Variants in ACBD3 observed in about 807,000 individuals in gnomAD.
ACBD3 encodes the protein acyl-CoA binding domain containing 3, also known as Golgi resident protein GCP60.
In ACBD3, 30 loss-of-function variants were observed where a neutral mutation model predicts 66.9. The ratio of observed to expected loss-of-function variants is 0.45; its 90% CI spans 0.34 to 0.61. ACBD3 has a LOEUF of 0.61. ACBD3 is among the 20% of genes least tolerant of loss of function. ACBD3 has a pLI of 0.02. For missense variants in ACBD3, 544 were observed against 664.5 expected, an observed-to-expected ratio of 0.82 and a Z score of 1.99; for synonymous variants, 278 against 259.8, an observed-to-expected ratio of 1.07 and a Z score of -0.68.
In ACBD3 at chr1:226,145,072, G is replaced by A. The variant is rs1007179963; in HGVS notation, c.*1538C>T. ...AAAGCTGACAGAGAGCCTGACAAAT[G>A]TTCTGGATGTAACAGTATGAACACC... On this transcript the variant is annotated 3_prime_UTR_variant, in exon 8 of 8. Transcript: ENST00000366812. The A allele has an allele frequency of 2.0e-5, 3 of 152,362 alleles. No homozygotes were observed. Among genetic ancestry groups the A allele is most frequent in the African/African-American group, 4.8e-5 (2 of 41,368 alleles). 9.4% of individuals were successfully genotyped at this position (152,362 alleles called of 1,614,324 possible).
At chr1:226,150,825 C>T (rs1659558882) in intron 7 of ACBD3, among the ~76,000 whole-genome samples, 1 of 152,126 alleles carries the variant, frequency 6.6e-6, no homozygotes, top group Admixed American at 6.5e-5. Context: ...CCATATTTAC[C>T]AGCTAGAATC....
intron 7 of ACBD3, chr1:226,147,857 A>G (rs1433713047): frequency 3.3e-5 from 5 of 152,242 alleles, no homozygotes; most frequent in African/African-American, 1.2e-4. Flanking sequence ...ACAGTTTAAC[A>G]TATTTAATAC....
In ACBD3 at chr1:226,186,554, G is replaced by A. The variant is rs933381595; in HGVS notation, c.122C>T (p.Pro41Leu). The A allele has an allele frequency of 2.9e-6, 4 of 1,359,842 alleles. No homozygotes were observed. Among genetic ancestry groups the A allele is most frequent in the Non-Finnish European group, 3.8e-6 (4 of 1,061,546 alleles). 84.2% of individuals were successfully genotyped at this position (1,359,842 alleles called of 1,614,324 possible). ...GCGACCGGATCCAGGTGGCGAGGGC[G>A]GTGGCAGCGGTGGCGGCAGCAGCGG... ...GAPLLPPPLP[P>L]PSPPGSGRGP... The change falls in exon 1 of 8, where the codon CCG (proline) becomes CTG (leucine). Residue 41 changes from proline (P) to leucine (L), a missense_variant. This residue lies in a region of ACBD3 where 137 missense variants were observed against 145.9 expected (regional missense o/e 0.94). Coordinates refer to ENST00000366812, the MANE Select transcript of ACBD3 (RefSeq NM_022735.4).
intron 5 of ACBD3, among the ~76,000 whole-genome samples, chr1:226,157,009 A>G (rs1388451319): frequency 1.3e-5 from 2 of 152,196 alleles, no homozygotes; most frequent in East Asian, 3.8e-4. Flanking sequence ...TCTTCCTGTT[A>G]TTAGGAAGTT....
chr1:226,176,318 G>C (rs1456359241), intron 1 of ACBD3, among the ~76,000 whole-genome samples: 1 of 151,968 alleles, frequency 6.6e-6, no homozygotes, highest in African/African-American at 2.4e-5. Flanking sequence ...CCAGCTATTC[G>C]GGGGGCTGAG....
chr1:226,180,998 CAA>C (rs540018230), intron 1 of ACBD3, among the ~76,000 whole-genome samples: 52 of 84,278 alleles, frequency 6.2e-4, no homozygotes, highest in Non-Finnish European at 1.0e-3. Flanking sequence ...GACTCCATCT[CAA>C]AAAAAAAAAA....
At chr1:226,186,353 G>T (rs761847358) in intron 1 of ACBD3, 37 bp downstream of exon 1, 15 of 1,476,786 alleles carry the variant, frequency 1.0e-5, no homozygotes, top group Admixed American at 4.8e-5. Context: ...TCCCGGGGCC[G>T]GGCAGAAGCG....
intron 1 of ACBD3, among the ~76,000 whole-genome samples, chr1:226,173,699 C>G (rs1043997693): frequency 1.3e-5 from 2 of 151,658 alleles, no homozygotes; most frequent in Middle Eastern, 3.4e-3. Context: ...GTTGACACAT[C>G]ACAAGAGTTT....
At chr1:226,184,632 T>C (rs1364134304) in intron 1 of ACBD3, among the ~76,000 whole-genome samples, 1 of 152,182 alleles carries the variant, frequency 6.6e-6, no homozygotes, top group Non-Finnish European at 1.5e-5. Flanking sequence ...GTTTACAAGG[T>C]AACTAGAATC....
intron 1 of ACBD3, among the ~76,000 whole-genome samples, chr1:226,179,049 G>A (rs1656115741): frequency 6.6e-6 from 1 of 152,072 alleles, no homozygotes; most frequent in Admixed American, 6.6e-5. Flanking sequence ...TATTCTCTTG[G>A]CTACACATTC....
chr1:226,172,251 T>C (rs1030794973), intron 1 of ACBD3, among the ~76,000 whole-genome samples: 1 of 151,766 alleles, frequency 6.6e-6, no homozygotes, highest in African/African-American at 2.4e-5. Flanking sequence ...TAAGCCTACG[T>C]TTTTGTTCAC....
At chr1:226,160,160 C>G (rs1659745371) in intron 4 of ACBD3, among the ~76,000 whole-genome samples, 1 of 150,430 alleles carries the variant, frequency 6.6e-6, no homozygotes, top group Non-Finnish European at 1.5e-5. Flanking sequence ...GGCGTGATCT[C>G]AGCTCACTGC....
intron 1 of ACBD3, among the ~76,000 whole-genome samples, chr1:226,182,649 C>G (rs1656197673): frequency 6.6e-6 from 1 of 152,076 alleles, no homozygotes; most frequent in African/African-American, 2.4e-5. Flanking sequence ...CAAGTCCTTC[C>G]AAGAATTGAA....
intron 5 of ACBD3, among the ~76,000 whole-genome samples, chr1:226,157,107 C>T (rs1659688778): frequency 6.6e-6 from 1 of 152,148 alleles, no homozygotes; most frequent in Non-Finnish European, 1.5e-5. Context: ...GTTCATTTTG[C>T]TATTTATATA....
Position 226,161,636 on chromosome 1 carries a change from T to A in ACBD3, c.623A>T (p.Gln208Leu), listed in dbSNP as rs759016330. 2 of 1,613,470 alleles carry A rather than the reference T, an allele frequency of 1.2e-6. No individual in the cohort carries two copies. Among genetic ancestry groups the A allele is most frequent in the Non-Finnish European group, 1.7e-6 (2 of 1,179,724 alleles). Reference protein sequence around the residue: ...RREEEERERLQKEEEKRRREE... With the variant: ...RREEEERERLLKEEEKRRREE... Reference sequence around the variant, plus strand: ...TCTCCTACGTTTCTCTTCCTCCTTTTGCAGACGTTCTCTTTCTTCCTCTTC... The same window carrying A: ...TCTCCTACGTTTCTCTTCCTCCTTTAGCAGACGTTCTCTTTCTTCCTCTTC... The change falls in exon 4 of 8, where the codon CAA becomes CTA. Residue 208 changes from glutamine to leucine, a missense_variant. Transcript: ENST00000366812.
chr1:226,174,425 T>A lies in ACBD3; in HGVS notation c.287-8425A>T, dbSNP rs368709359. Among the ~76,000 whole-genome samples, 9 of 152,252 alleles carry A rather than the reference T, an allele frequency of 5.9e-5. No individual in the cohort carries two copies. The East Asian group carries it at 1.5e-3, about 26-fold the overall frequency. Reference sequence around the variant, plus strand: ...ATTGAACACAGACAATTACCTCTGATCCTTAATGAAACCACACTAAAAGGA... The same window carrying A: ...ATTGAACACAGACAATTACCTCTGAACCTTAATGAAACCACACTAAAAGGA... On this transcript the variant is annotated intron_variant, in intron 1 of 7. Coordinates refer to ENST00000366812, the MANE Select transcript of ACBD3 (RefSeq NM_022735.4).
intron 5 of ACBD3, among the ~76,000 whole-genome samples, chr1:226,156,355 T>C (rs1392532217): frequency 6.6e-6 from 1 of 152,224 alleles, no homozygotes. Flanking sequence ...TAATTGTATT[T>C]TGTTGTTTGC....
At chr1:226,165,471 T>C (rs1558127609) in intron 2 of ACBD3, among the ~76,000 whole-genome samples, 1 of 152,192 alleles carries the variant, frequency 6.6e-6, no homozygotes, top group Admixed American at 6.5e-5. Flanking sequence ...GCACCTGGCC[T>C]ATTTTTCTTA....
At chr1:226,166,125 T>C (rs1053305305) in intron 1 of ACBD3, 125 bp from the exon 2 acceptor site, 10 of 1,072,938 alleles carry the variant, frequency 9.3e-6, no homozygotes, top group African/African-American at 8.3e-5. Context: ...CAAACACTAA[T>C]AGTGAAATTT....
Sources: gnomAD v4.1 joint callset for allele counts (sites outside exome capture counted in the v4.1 genomes callset) on GRCh38, gnomAD v4.1.1 for gene constraint, gnomAD v4.1.1 regional missense constraint, MANE v1.5 for transcripts, NCBI Gene and HGNC (gene_info 2026-07-23, HGNC 2026-07-21) for gene names.